NRCAM: variants seen among roughly 807,000 people sequenced by gnomAD.
NRCAM encodes the protein neuronal cell adhesion molecule.
NRCAM carries 83 observed loss-of-function variants against 156.5 expected under a neutral mutation model. The ratio of observed to expected loss-of-function variants is 0.53; its 90% confidence interval spans 0.44 to 0.64. The LOEUF (loss-of-function observed/expected upper bound fraction) is 0.64. NRCAM is among the 30% of genes least tolerant of loss of function. The probability of loss-of-function intolerance (pLI) is 0.00; values close to 1 mark genes in which losing one functional copy is unlikely to be tolerated. For synonymous variants in NRCAM, 538 were observed against 563.9 expected, an observed-to-expected ratio of 0.95 and a Z score of 0.65; for missense variants, 1,417 against 1,597.3, an observed-to-expected ratio of 0.89 and a Z score of 1.92.
intron 20 of NRCAM, among the ~76,000 whole-genome samples, chr7:108,188,399 G>GTGTGTA (rs923114660): frequency 2.0e-5 from 2 of 101,244 alleles, no homozygotes; most frequent in African/African-American, 5.9e-5. Flanking sequence ...GTGTGTGTGT[G>GTGTGTA]TATATATACA....
At chr7:108,436,721 G>GA (rs1396155271) in intron 1 of NRCAM, among the ~76,000 whole-genome samples, 2 of 151,916 alleles carry the variant, frequency 1.3e-5, no homozygotes, top group African/African-American at 4.8e-5. Context: ...AAAGCAGCAA[G>GA]AAAAAAATGA....
intron 2 of NRCAM, among the ~76,000 whole-genome samples, chr7:108,343,554 C>T (rs145537499): frequency 6.6e-6 from 1 of 152,190 alleles, no homozygotes; most frequent in African/African-American, 2.4e-5. Context: ...GTAATCCCCT[C>T]TGGGAAACCA....
intron 3 of NRCAM, among the ~76,000 whole-genome samples, chr7:108,280,229 A>G (rs1164133777): frequency 6.6e-6 from 1 of 152,252 alleles, no homozygotes; most frequent in Non-Finnish European, 1.5e-5. Flanking sequence ...CAACAGGCGA[A>G]TGAACTTAGA....
At chr7:108,420,640 A>G (rs1563731931) in intron 1 of NRCAM, among the ~76,000 whole-genome samples, 1 of 152,170 alleles carries the variant, frequency 6.6e-6, no homozygotes, top group East Asian at 1.9e-4. Context: ...ATTCTGTGTG[A>G]ATTTACATTG....
intron 1 of NRCAM, among the ~76,000 whole-genome samples, chr7:108,453,688 T>C (rs1320940798): frequency 1.3e-5 from 2 of 152,184 alleles, no homozygotes; most frequent in South Asian, 4.1e-4. Flanking sequence ...AAAAAGAAGG[T>C]TGAAACAAGA....
intron 2 of NRCAM, among the ~76,000 whole-genome samples, chr7:108,389,107 TAGCTTG>T (rs1337235464): frequency 6.6e-6 from 1 of 152,212 alleles, no homozygotes; most frequent in Non-Finnish European, 1.5e-5. Flanking sequence ...AAGTCATTGG[TAGCTTG>T]ATGGGGATGG....
At chr7:108,326,353 A>G (rs1330573647) in intron 2 of NRCAM, among the ~76,000 whole-genome samples, 1 of 152,242 alleles carries the variant, frequency 6.6e-6, no homozygotes, top group Non-Finnish European at 1.5e-5. Flanking sequence ...CAAGTAAAAG[A>G]GTATTCTTAC....
At chr7:108,182,945 A>G (rs753052835) in intron 22 of NRCAM, 25 bp from the exon 23 acceptor site, 5 of 1,580,940 alleles carry the variant, frequency 3.2e-6, no homozygotes, top group Non-Finnish European at 4.3e-6. Context: ...AAATAACCAG[A>G]GCTTATAACA....
chr7:108,453,231 A>G (rs989838585), intron 1 of NRCAM, among the ~76,000 whole-genome samples: 5 of 152,246 alleles, frequency 3.3e-5, no homozygotes, highest in Admixed American at 2.0e-4. Context: ...TCCTATGTAC[A>G]TACACAATAT....
intron 1 of NRCAM, among the ~76,000 whole-genome samples, chr7:108,435,034 G>GAAA (rs11392385): frequency 1.3e-5 from 2 of 149,156 alleles, no homozygotes; most frequent in African/African-American, 2.5e-5. Context: ...TACATGGTAG[G>GAAA]AAAAAAAAAA....
intron 14 of NRCAM, among the ~76,000 whole-genome samples, chr7:108,196,277 G>A (rs1397424389): frequency 2.0e-5 from 3 of 152,116 alleles, no homozygotes; most frequent in Admixed American, 2.0e-4. Context: ...AAAGCAGAGT[G>A]ATGAGTGTGA....
At chr7:108,453,644 T>C (rs964021482) in intron 1 of NRCAM, among the ~76,000 whole-genome samples, 9 of 152,240 alleles carry the variant, frequency 5.9e-5, no homozygotes, top group African/African-American at 2.2e-4. Context: ...TCCTGGATTA[T>C]GTAAAATGTT....
At chr7:108,362,203 T>C (rs962622617) in intron 2 of NRCAM, among the ~76,000 whole-genome samples, 1 of 152,322 alleles carries the variant, frequency 6.6e-6, no homozygotes, top group East Asian at 1.9e-4. Flanking sequence ...TGGTGTCTGA[T>C]GAGGGCTGTC....
intron 3 of NRCAM, among the ~76,000 whole-genome samples, chr7:108,297,666 A>C (rs1055929137): frequency 6.6e-6 from 1 of 152,142 alleles, no homozygotes; most frequent in Non-Finnish European, 1.5e-5. Flanking sequence ...TACATTCTAA[A>C]GGGAGGGAAA....
intron 3 of NRCAM, among the ~76,000 whole-genome samples, chr7:108,300,977 TC>T (rs963052462): frequency 6.6e-6 from 1 of 152,132 alleles, no homozygotes; most frequent in African/African-American, 2.4e-5. Context: ...TAAAAATAGT[TC>T]TTTAAAAAAA....
At chr7:108,195,342 G>C (rs1400161854) in intron 15 of NRCAM, among the ~76,000 whole-genome samples, 2 of 152,218 alleles carry the variant, frequency 1.3e-5, no homozygotes, top group African/African-American at 4.8e-5. Context: ...TAACAGTGTA[G>C]GCCAAGCACA....
At chr7:108,448,780 G>A (rs538777337) in intron 1 of NRCAM, among the ~76,000 whole-genome samples, 2 of 152,186 alleles carry the variant, frequency 1.3e-5, no homozygotes, top group South Asian at 2.1e-4. Flanking sequence ...GACTCCCACC[G>A]GGAGCAGAAA....
chr7:108,203,666 G>A (rs1019984452), intron 13 of NRCAM, among the ~76,000 whole-genome samples: 1 of 152,184 alleles, frequency 6.6e-6, no homozygotes, highest in African/African-American at 2.4e-5. Flanking sequence ...TGGGGAGGCT[G>A]TGTACCTGGC....
intron 28 of NRCAM, among the ~76,000 whole-genome samples, chr7:108,170,482 G>A (rs1413585892): frequency 6.6e-6 from 1 of 152,108 alleles, no homozygotes; most frequent in African/African-American, 2.4e-5. Flanking sequence ...TGCCTCCTTC[G>A]GAGAGTCTCA....
Sources: allele counts gnomAD v4.1 joint callset (sites outside exome capture counted in the v4.1 genomes callset), GRCh38; gene constraint gnomAD v4.1.1; transcripts MANE v1.5; gene names NCBI Gene and HGNC (gene_info 2026-07-23, HGNC 2026-07-21).